COL24A1: variants seen among roughly 807,000 people sequenced by gnomAD.
COL24A1 encodes the protein collagen type XXIV alpha 1 chain.
A neutral mutation model predicts 253.9 loss-of-function variants in COL24A1; 224 were observed. That is an observed-to-expected ratio of 0.88 (90% CI 0.79 to 0.99). COL24A1 has a LOEUF of 0.99. Ranked by LOEUF, COL24A1 falls within the 50% of genes least tolerant of loss-of-function variation. COL24A1 has a pLI of 0.00. For missense variants in COL24A1, 2,131 were observed against 2,068.5 expected (o/e 1.03, Z -0.59); for synonymous variants, 685 against 673.7 (o/e 1.02, Z -0.26).
chr1:85,832,836 T>C (rs982325595), intron 43 of COL24A1, among the ~76,000 whole-genome samples: 4 of 150,704 alleles, frequency 2.7e-5, no homozygotes, highest in East Asian at 1.9e-4. Flanking sequence ...GCCGAGACAA[T>C]GGGGTTTTCT....
At chr1:86,155,447 C>T (rs78707558) in intron 1 of COL24A1, 2,763 of 153,202 alleles carry the variant, frequency 0.018, 73 homozygotes, top group East Asian at 0.098. Context: ...CCCTTCTCGC[C>T]CAGGGGCCAG....
intron 51 of COL24A1, 42 bp from the exon 52 acceptor site, chr1:85,781,315 TA>T (rs371624881): frequency 0.039 from 39,852 of 1,029,844 alleles, no homozygotes; most frequent in South Asian, 0.054. Flanking sequence ...TTAGTATAAT[TA>T]AAAAAAAAAA....
intron 19 of COL24A1, among the ~76,000 whole-genome samples, chr1:85,994,898 G>T (rs566080272): frequency 1.6e-4 from 24 of 152,158 alleles, no homozygotes; most frequent in Non-Finnish European, 3.1e-4. Context: ...TGCTGTTTTA[G>T]ATCTAAAAGC....
chr1:85,831,615 G>A (rs566314873), intron 43 of COL24A1, among the ~76,000 whole-genome samples: 2 of 152,200 alleles, frequency 1.3e-5, no homozygotes, highest in East Asian at 1.9e-4. Flanking sequence ...GAAAGTGATG[G>A]AACTTGTCAG....
chr1:86,085,590 G>A (rs1332678990), intron 7 of COL24A1, among the ~76,000 whole-genome samples: 3 of 152,058 alleles, frequency 2.0e-5, no homozygotes, highest in African/African-American at 7.2e-5. Flanking sequence ...CAACTGATTG[G>A]CTATATCAAA....
intron 19 of COL24A1, among the ~76,000 whole-genome samples, chr1:85,992,195 A>C (rs1694352514): frequency 6.6e-6 from 1 of 152,110 alleles, no homozygotes; most frequent in Admixed American, 6.6e-5. Context: ...TCCTTGCGAT[A>C]GTTTGCTGAG....
chr1:85,997,794 A>C (rs1391758401), intron 19 of COL24A1, among the ~76,000 whole-genome samples: 1 of 151,938 alleles, frequency 6.6e-6, no homozygotes, highest in Non-Finnish European at 1.5e-5. Context: ...TTATGTGGTC[A>C]AAGCCTGATT....
chr1:85,733,485 A>T (rs1027656185), intron 59 of COL24A1, among the ~76,000 whole-genome samples: 6 of 152,176 alleles, frequency 3.9e-5, no homozygotes, highest in African/African-American at 1.4e-4. Context: ...AAAAACATGG[A>T]GTGGGCCCGA....
chr1:85,947,006 C>T (rs570980293), intron 24 of COL24A1, among the ~76,000 whole-genome samples: 1 of 152,126 alleles, frequency 6.6e-6, no homozygotes, highest in African/African-American at 2.4e-5. Flanking sequence ...AGTTTCGAAA[C>T]CTTAGGATTA....
chr1:86,076,814 C>A (rs1475762577), intron 7 of COL24A1, among the ~76,000 whole-genome samples: 1 of 152,190 alleles, frequency 6.6e-6, no homozygotes, highest in Non-Finnish European at 1.5e-5. Flanking sequence ...AACCAGACCC[C>A]TTCCTTACAC....
intron 4 of COL24A1, among the ~76,000 whole-genome samples, chr1:86,114,963 T>C (rs1057474974): frequency 6.6e-6 from 1 of 152,174 alleles, no homozygotes; most frequent in African/African-American, 2.4e-5. Flanking sequence ...AATCCAGGAA[T>C]GTACTATTTT....
chr1:85,895,848 A>G lies in COL24A1; in HGVS notation c.2922+10T>C. ...AAATTTTTCATAGCATGATTTTTTAAATTACTTACTGGTTTCCCTTGAAAT... is the reference window on the plus strand; with the variant it reads ...AAATTTTTCATAGCATGATTTTTTAGATTACTTACTGGTTTCCCTTGAAAT... On this transcript the variant is annotated intron_variant, in intron 31 of 59. Transcript: ENST00000370571. 1 of 1,602,374 alleles carries G rather than the reference A, an allele frequency of 6.2e-7. No homozygotes were observed. The highest frequency in any genetic ancestry group is 1.7e-5 in the Admixed American group (1 of 58,866).
chr1:86,033,837 G>C, intron 13 of COL24A1, 33 bp downstream of exon 13: 1 of 1,589,516 alleles, frequency 6.3e-7, no homozygotes. Context: ...AATGATGTTA[G>C]AATGCAAGGC....
At chr1:85,830,621 C>T (rs1265767042) in intron 43 of COL24A1, among the ~76,000 whole-genome samples, 14 of 152,032 alleles carry the variant, frequency 9.2e-5, no homozygotes, top group South Asian at 2.1e-4. Context: ...ATATAATCTC[C>T]TGGTGTGCTG....
intron 55 of COL24A1, among the ~76,000 whole-genome samples, chr1:85,757,032 G>T (rs987528981): frequency 6.6e-6 from 1 of 152,290 alleles, no homozygotes; most frequent in African/African-American, 2.4e-5. Context: ...AAAGTAGAAC[G>T]GTGGTTGCAG....
intron 35 of COL24A1, 75 bp from the exon 36 acceptor site, chr1:85,868,910 A>G (rs377411766): frequency 3.2e-5 from 34 of 1,054,308 alleles, no homozygotes; most frequent in African/African-American, 2.1e-4. Flanking sequence ...TTTAGCCCAT[A>G]GTATATATGG....
At chr1:85,927,280 A>G (rs890886059) in intron 24 of COL24A1, among the ~76,000 whole-genome samples, 110 of 152,002 alleles carry the variant, frequency 7.2e-4, no homozygotes, top group African/African-American at 2.4e-3. Flanking sequence ...AAGCGCAAGG[A>G]GTCAGGGAGT....
rs184090982 is a variant in COL24A1, at chr1:86,113,306, A to G, written c.1546-686T>C. Among the ~76,000 whole-genome samples, 33 of 152,340 alleles carry G rather than the reference A, an allele frequency of 2.2e-4. No individual in the cohort carries two copies. In the East Asian group the frequency reaches 6.4e-3, roughly 29 times the overall value. On this transcript the variant is annotated intron_variant, in intron 4 of 59. Coordinates refer to ENST00000370571, the MANE Select transcript of COL24A1 (RefSeq NM_152890.7). ...GCATACAACCAGTAAGTAGAGGAAC[A>G]GATCACCCTCTCCAAGAAAGCCTTC...
chr1:85,945,106 C>T (rs1249659869), intron 24 of COL24A1, among the ~76,000 whole-genome samples: 1 of 142,930 alleles, frequency 7.0e-6, no homozygotes, highest in African/African-American at 2.6e-5. Context: ...CAACCTCTGC[C>T]TCCCAGGTTC....
Sources: gnomAD v4.1 joint callset for allele counts (sites outside exome capture counted in the v4.1 genomes callset) on GRCh38, gnomAD v4.1.1 for gene constraint, MANE v1.5 for transcripts, NCBI Gene and HGNC (gene_info 2026-07-23, HGNC 2026-07-21) for gene names.